The following DSCAM variants were observed in gnomAD, a reference collection of about 807,000 sequenced individuals.
DSCAM encodes the protein cell adhesion molecule DSCAM.
In DSCAM, 47 loss-of-function variants were observed where a neutral mutation model predicts 217.7. The observed-to-expected ratio is 0.22, with a 90% CI of 0.17 to 0.28. DSCAM has a LOEUF of 0.28. Ranked by LOEUF, DSCAM falls within the 10% of genes least tolerant of loss-of-function variation. The pLI is 1.00. For missense variants in DSCAM, 2,080 were observed against 2,618.3 expected, an observed-to-expected ratio of 0.79 and a Z score of 4.49; for synonymous variants, 1,056 against 1,015.3, an observed-to-expected ratio of 1.04 and a Z score of -0.76.
intron 2 of DSCAM, among the ~76,000 whole-genome samples, chr21:40,693,681 T>G (rs190681937): frequency 6.6e-6 from 1 of 152,316 alleles, no homozygotes; most frequent in East Asian, 1.9e-4. Context: ...AAAATAATTT[T>G]TCATTAGTAA....
chr21:40,276,773 C>T (rs368955311), intron 10 of DSCAM, among the ~76,000 whole-genome samples: 9 of 152,122 alleles, frequency 5.9e-5, no homozygotes, highest in African/African-American at 9.6e-5. Context: ...GGTTATATTC[C>T]GGTCTAGACA....
At chr21:40,270,412 C>T (rs577242692) in intron 11 of DSCAM, among the ~76,000 whole-genome samples, 2 of 152,292 alleles carry the variant, frequency 1.3e-5, no homozygotes, top group South Asian at 4.1e-4. Flanking sequence ...CTGAGTGTTG[C>T]ATATGTGCAG....
chr21:40,291,457 C>T (rs1601522536), intron 10 of DSCAM, among the ~76,000 whole-genome samples: 1 of 152,196 alleles, frequency 6.6e-6, no homozygotes, highest in African/African-American at 2.4e-5. Context: ...TGGGCAGAGC[C>T]AGGTCCTTAC....
At chr21:40,167,390 T>C in intron 15 of DSCAM, 102 bp from the exon 16 acceptor site, 1 of 990,456 alleles carries the variant, frequency 1.0e-6, no homozygotes, top group Non-Finnish European at 1.6e-6. Context: ...CATCCCTATG[T>C]TTGGCACAGA....
At chr21:40,191,969 C>T (rs956971303) in intron 11 of DSCAM, among the ~76,000 whole-genome samples, 3 of 152,162 alleles carry the variant, frequency 2.0e-5, no homozygotes, top group African/African-American at 7.2e-5. Flanking sequence ...TTTGCAAAGA[C>T]TCTATTTCCA....
intron 3 of DSCAM, among the ~76,000 whole-genome samples, chr21:40,643,831 G>A (rs1370569483): frequency 6.6e-6 from 1 of 152,228 alleles, no homozygotes; most frequent in African/African-American, 2.4e-5. Flanking sequence ...AAGCCAAGGA[G>A]AGGCCAAACT....
chr21:40,038,736 T>C (rs1380473346), intron 32 of DSCAM, among the ~76,000 whole-genome samples: 1 of 143,558 alleles, frequency 7.0e-6, no homozygotes, highest in Non-Finnish European at 1.5e-5. Flanking sequence ...ATTGTGGCAT[T>C]ATTCACAATA....
chr21:40,491,096 G>A (rs955828361), intron 3 of DSCAM, among the ~76,000 whole-genome samples: 26 of 152,160 alleles, frequency 1.7e-4, no homozygotes, highest in Middle Eastern at 3.4e-3. Context: ...TTTGTCTTAC[G>A]ATATCATAAA....
At chr21:40,335,298 C>A (rs2074418706) in intron 8 of DSCAM, among the ~76,000 whole-genome samples, 1 of 152,030 alleles carries the variant, frequency 6.6e-6, no homozygotes, top group Non-Finnish European at 1.5e-5. Context: ...AAGGAGCTGA[C>A]AAGTTTTATA....
Position 40,842,694 on chromosome 21 carries a change from C to T in DSCAM, c.43+3925G>A, listed in dbSNP as rs535892719. Among the ~76,000 whole-genome samples the T allele has an allele frequency of 3.7e-4, 56 of 152,222 alleles. 1 individual carries two copies. In the South Asian group the frequency reaches 0.011, roughly 29 times the overall value. ...AACATAAAATACCTTGCCAGCTACC[C>T]GGAGGTCCAGGAATTGGGGATTAGA... On this transcript the variant is annotated intron_variant, in intron 1 of 32. Transcript: ENST00000400454.
At chr21:40,593,368 C>T (rs1182142075) in intron 3 of DSCAM, among the ~76,000 whole-genome samples, 1 of 151,376 alleles carries the variant, frequency 6.6e-6, no homozygotes, top group African/African-American at 2.4e-5. Flanking sequence ...CTCTGTCGCA[C>T]AGGCTGGCAG....
At chr21:40,300,073 G>A (rs968136164) in intron 9 of DSCAM, among the ~76,000 whole-genome samples, 2 of 151,952 alleles carry the variant, frequency 1.3e-5, no homozygotes, top group African/African-American at 2.4e-5. Flanking sequence ...CCCCACTGTG[G>A]CCCTCTCCTT....
chr21:40,666,274 C>A (rs1016207059), intron 3 of DSCAM, among the ~76,000 whole-genome samples: 2 of 152,140 alleles, frequency 1.3e-5, no homozygotes, highest in Admixed American at 1.3e-4. Flanking sequence ...ATGCCCAGCC[C>A]TGAGATGAGT....
At chr21:40,420,579 T>C (rs181293343) in intron 3 of DSCAM, among the ~76,000 whole-genome samples, 1 of 152,316 alleles carries the variant, frequency 6.6e-6, no homozygotes, top group East Asian at 1.9e-4. Context: ...CCAAAATTTG[T>C]ATGTTCATGT....
At position 40,187,987 on chromosome 21, in the gene DSCAM, T is replaced by C; in HGVS notation, c.2554A>G (p.Ile852Val). The change falls in exon 13 of 33, where the codon ATT becomes GTT. Residue 852 changes from isoleucine to valine, a missense_variant and splice_region_variant. Transcript: ENST00000400454. ...VGEEVISTLQ[I>V]LPTVREDSGF... ...GAATCTTCTCTCACAGTTGGCAAAATCTATGTGTAAAGCAGAAAGAAATTC... is the reference window on the plus strand; with the variant it reads ...GAATCTTCTCTCACAGTTGGCAAAACCTATGTGTAAAGCAGAAAGAAATTC... 1.2e-6 allele frequency: 2 copies of C among 1,612,736 alleles called. No individual in the cohort carries two copies. Among genetic ancestry groups the C allele is most frequent in the South Asian group, 2.2e-5 (2 of 90,906 alleles).
intron 3 of DSCAM, among the ~76,000 whole-genome samples, chr21:40,518,987 T>C (rs1258286473): frequency 6.6e-6 from 1 of 152,172 alleles, no homozygotes; most frequent in African/African-American, 2.4e-5. Context: ...TGGAACATAA[T>C]GTTAAGTACT....
At chr21:40,026,003 G>C (rs62235582) in intron 32 of DSCAM, among the ~76,000 whole-genome samples, 22,986 of 139,994 alleles carry the variant, frequency 0.16, 1,344 homozygotes, top group Non-Finnish European at 0.22. Flanking sequence ...TCTCTTGTGG[G>C]CATTTAGTGC....
At chr21:40,718,656 G>A (rs2090869338) in intron 1 of DSCAM, among the ~76,000 whole-genome samples, 1 of 152,132 alleles carries the variant, frequency 6.6e-6, no homozygotes, top group African/African-American at 2.4e-5. Context: ...GATGAGATTT[G>A]GGTGAGGGCA....
intron 19 of DSCAM, among the ~76,000 whole-genome samples, chr21:40,131,479 GCAGTTGCAC>G (rs1032549753): frequency 2.2e-4 from 33 of 152,136 alleles, no homozygotes; most frequent in African/African-American, 8.0e-4. Context: ...AGGCTGGAGT[GCAGTTGCAC>G]GATCTCAGCT....
Sources: gnomAD v4.1 joint callset for allele counts (sites outside exome capture counted in the v4.1 genomes callset) on GRCh38, gnomAD v4.1.1 for gene constraint, MANE v1.5 for transcripts, NCBI Gene and HGNC (gene_info 2026-07-23, HGNC 2026-07-21) for gene names.